The following CSGALNACT1 variants were observed in gnomAD, a reference collection of about 807,000 sequenced individuals.
CSGALNACT1 encodes the protein chondroitin sulfate N-acetylgalactosaminyltransferase 1, also known as beta4GalNAcT-1.
Under a neutral mutation model 51.0 loss-of-function variants are expected in CSGALNACT1, and 52 were observed. The observed-to-expected ratio is 1.02, with a 90% CI of 0.82 to 1.29. The LOEUF is 1.29. Ranked by LOEUF, CSGALNACT1 falls within the 50% of genes most tolerant of loss-of-function variation. The pLI is 0.00. For synonymous variants in CSGALNACT1, 341 were observed against 254.4 expected, an observed-to-expected ratio of 1.34 and a Z score of -3.24; for missense variants, 935 against 679.2, an observed-to-expected ratio of 1.38 and a Z score of -4.19.
intron 1 of CSGALNACT1, among the ~76,000 whole-genome samples, chr8:19,636,437 C>G (rs373528262): frequency 2.2e-4 from 34 of 152,092 alleles, no homozygotes; most frequent in African/African-American, 7.7e-4. Flanking sequence ...ACTGTGTAAG[C>G]GATACCAAAA....
intron 6 of CSGALNACT1, among the ~76,000 whole-genome samples, chr8:19,434,201 T>C (rs531404796): frequency 6.6e-6 from 1 of 152,346 alleles, no homozygotes; most frequent in Non-Finnish European, 1.5e-5. Context: ...CTTTACTCCA[T>C]TTTCACTGCT....
intron 3 of CSGALNACT1, among the ~76,000 whole-genome samples, chr8:19,514,140 T>C (rs1275225161): frequency 6.6e-6 from 1 of 152,148 alleles, no homozygotes; most frequent in Non-Finnish European, 1.5e-5. Context: ...TCAGTATTAC[T>C]GTGTATGCAC....
intron 2 of CSGALNACT1, among the ~76,000 whole-genome samples, chr8:19,592,821 G>T (rs1018385370): frequency 5.3e-5 from 8 of 152,220 alleles, no homozygotes; most frequent in Non-Finnish European, 1.2e-4. Context: ...GTTAACAACA[G>T]GTCAATCTAA....
chr8:19,435,816 A>G (rs1255496082), intron 6 of CSGALNACT1, among the ~76,000 whole-genome samples: 2 of 152,228 alleles, frequency 1.3e-5, no homozygotes, highest in African/African-American at 4.8e-5. Flanking sequence ...TGTCTATGTT[A>G]GTAGCTTTTA....
chr8:19,496,557 T>C (rs956004226), intron 4 of CSGALNACT1, among the ~76,000 whole-genome samples: 13 of 152,176 alleles, frequency 8.5e-5, no homozygotes, highest in East Asian at 1.9e-4. Flanking sequence ...CTCCAAGATA[T>C]AATGAGCTGA....
At chr8:19,707,515 A>T (rs1253915347) in intron 1 of CSGALNACT1, among the ~76,000 whole-genome samples, 1 of 152,202 alleles carries the variant, frequency 6.6e-6, no homozygotes, top group Admixed American at 6.5e-5. Context: ...TATCATTTGA[A>T]CCAGTACATG....
chr8:19,606,424 G>T (rs1481070019), upstream of CSGALNACT1, among the ~76,000 whole-genome samples: 1 of 152,112 alleles, frequency 6.6e-6, no homozygotes. Flanking sequence ...GAAAAGAAAG[G>T]CCTCTTGGAT....
At chr8:19,426,567 T>C (rs2058803712) in intron 6 of CSGALNACT1, among the ~76,000 whole-genome samples, 1 of 152,226 alleles carries the variant, frequency 6.6e-6, no homozygotes, top group Admixed American at 6.5e-5. Context: ...GAACGTGCAG[T>C]TCCACTAACA....
At position 19,624,735 on chromosome 8, in the gene CSGALNACT1, G is replaced by A. The variant is rs12674901; in HGVS notation, c.-543-22870C>T. ...GCTCTGTTGCCCAGGCTGGAGTGCA[G>A]TGGCGAGATCTCAGCTCACTGCAAC... On this transcript the variant is annotated intron_variant, in intron 1 of 9. Transcript: ENST00000332246. 0.021 allele frequency among the ~76,000 whole-genome samples: 3,165 copies of A among 151,566 alleles called. 377 individuals carry two copies. In the East Asian group the frequency reaches 0.37, roughly 18 times the overall value.
intron 3 of CSGALNACT1, among the ~76,000 whole-genome samples, chr8:19,543,087 C>A (rs1001027947): frequency 6.6e-6 from 1 of 152,098 alleles, no homozygotes; most frequent in Non-Finnish European, 1.5e-5. Flanking sequence ...CAGATTATGA[C>A]TGAGTTATAA....
intron 3 of CSGALNACT1, among the ~76,000 whole-genome samples, chr8:19,516,373 C>T (rs903734782): frequency 2.0e-5 from 3 of 152,048 alleles, no homozygotes; most frequent in South Asian, 2.1e-4. Flanking sequence ...CTGTTCAACC[C>T]GCTTCATAAT....
chr8:19,439,724 C>T lies in CSGALNACT1; in HGVS notation c.953+106G>A, dbSNP rs948596091. The stretch of plus-strand genomic sequence containing the variant: ...CCAGCAATCAATCCATCCCAGTTCA[C>T]CCACAGTGTAAAGGAAAATAAAATT... On this transcript the variant is annotated intron_variant, in intron 6 of 9. Coordinates refer to ENST00000454498, the Ensembl canonical transcript of CSGALNACT1. 228 of 868,406 alleles carry T rather than the reference C, an allele frequency of 2.6e-4. 1 individual carries two copies. The highest frequency in any genetic ancestry group is 1.1e-4 in the Non-Finnish European group (58 of 525,732). 53.8% of individuals were successfully genotyped at this position (868,406 alleles called of 1,614,324 possible).
At chr8:19,438,066 G>C (rs1051730038) in intron 6 of CSGALNACT1, among the ~76,000 whole-genome samples, 2 of 152,152 alleles carry the variant, frequency 1.3e-5, no homozygotes, top group Non-Finnish European at 2.9e-5. Flanking sequence ...ACGTGTAACC[G>C]TCAGCAAATG....
chr8:19,630,630 A>T (rs1004606164), intron 1 of CSGALNACT1, among the ~76,000 whole-genome samples: 1 of 152,156 alleles, frequency 6.6e-6, no homozygotes, highest in African/African-American at 2.4e-5. Context: ...TTCTTCAACT[A>T]TTTTATCCCT....
At chr8:19,697,254 T>A (rs1008603731) in intron 1 of CSGALNACT1, among the ~76,000 whole-genome samples, 1 of 151,828 alleles carries the variant, frequency 6.6e-6, no homozygotes, top group African/African-American at 2.4e-5. Flanking sequence ...AGGCAAGCAC[T>A]TGGGAGCCAT....
At chr8:19,750,767 C>G (rs1049784106) in intron 1 of CSGALNACT1, among the ~76,000 whole-genome samples, 2 of 152,160 alleles carry the variant, frequency 1.3e-5, no homozygotes, top group African/African-American at 4.8e-5. Flanking sequence ...AGAGTACCTT[C>G]ATAGAACAGG....
intron 3 of CSGALNACT1, among the ~76,000 whole-genome samples, chr8:19,586,008 C>T (rs922799623): frequency 1.3e-5 from 2 of 152,170 alleles, no homozygotes; most frequent in Non-Finnish European, 2.9e-5. Context: ...CCCATATCAC[C>T]TCAGTTTTCT....
chr8:19,481,359 C>CTT (rs1472985004), intron 4 of CSGALNACT1, among the ~76,000 whole-genome samples: 1 of 152,110 alleles, frequency 6.6e-6, no homozygotes, highest in Non-Finnish European at 1.5e-5. Flanking sequence ...TTTCCCAACT[C>CTT]AGAGTAGAAA....
intron 1 of CSGALNACT1, among the ~76,000 whole-genome samples, chr8:19,697,519 G>C (rs2061644314): frequency 6.6e-6 from 1 of 152,122 alleles, no homozygotes; most frequent in Non-Finnish European, 1.5e-5. Flanking sequence ...CAAATCTCAG[G>C]GCCGGGCAGA....
Sources: gnomAD v4.1 joint callset for allele counts (sites outside exome capture counted in the v4.1 genomes callset) on GRCh38, gnomAD v4.1.1 for gene constraint, MANE v1.5 for transcripts, NCBI Gene and HGNC (gene_info 2026-07-23, HGNC 2026-07-21) for gene names.